ATXN1: variants seen among roughly 807,000 people sequenced by gnomAD.
ATXN1 encodes the protein ataxin 1, also known as ataxin-1.
ATXN1 carries 8 observed loss-of-function variants against 56.4 expected under a neutral mutation model. That is an observed-to-expected ratio of 0.14 (90% CI 0.08 to 0.26). The LOEUF is 0.26. Ranked by LOEUF, ATXN1 falls within the 10% of genes least tolerant of loss-of-function variation. The pLI is 1.00. For synonymous variants in ATXN1, 514 were observed against 494.6 expected, an observed-to-expected ratio of 1.04 and a Z score of -0.52; for missense variants, 987 against 1,106.5, an observed-to-expected ratio of 0.89 and a Z score of 1.53.
chr6:16,632,822 T>G (rs1763529131), intron 3 of ATXN1, among the ~76,000 whole-genome samples: 1 of 151,878 alleles, frequency 6.6e-6, no homozygotes, highest in Admixed American at 6.6e-5. Context: ...GTTCGAGACC[T>G]CGTCGCTACT....
chr6:16,566,292 G>C (rs9477170), intron 4 of ATXN1, among the ~76,000 whole-genome samples: 3,174 of 151,878 alleles, frequency 0.021, 96 homozygotes, highest in African/African-American at 0.069. Flanking sequence ...TTTTTGCTTG[G>C]GTGAGGCTAA....
intron 4 of ATXN1, among the ~76,000 whole-genome samples, chr6:16,584,247 C>A: frequency 1.0e-5 from 1 of 96,548 alleles, no homozygotes; most frequent in Non-Finnish European, 2.3e-5. Context: ...TATATATACA[C>A]ACACACACAC....
intron 5 of ATXN1, among the ~76,000 whole-genome samples, chr6:16,502,015 T>A (rs235159): frequency 0.088 from 13,427 of 152,204 alleles, 1,155 homozygotes; most frequent in African/African-American, 0.2. Flanking sequence ...ATACAATAGA[T>A]TTAGGAGCTG....
intron 6 of ATXN1, among the ~76,000 whole-genome samples, chr6:16,420,845 C>T (rs891436728): frequency 1.3e-5 from 2 of 152,010 alleles, no homozygotes; most frequent in African/African-American, 4.8e-5. Flanking sequence ...CTCTCTCTGT[C>T]TCTCTCTCTC....
At chr6:16,562,068 T>C (rs1013859549) in intron 4 of ATXN1, among the ~76,000 whole-genome samples, 1 of 151,936 alleles carries the variant, frequency 6.6e-6, no homozygotes, top group Non-Finnish European at 1.5e-5. Flanking sequence ...TAAAGGCAGA[T>C]AAAGAGTGTT....
intron 2 of ATXN1, among the ~76,000 whole-genome samples, chr6:16,729,410 A>G (rs1183625407): frequency 1.3e-5 from 2 of 152,126 alleles, no homozygotes; most frequent in Non-Finnish European, 2.9e-5. Flanking sequence ...TTTCTCATCT[A>G]AACTTGGGAG....
intron 6 of ATXN1, among the ~76,000 whole-genome samples, chr6:16,468,331 G>A (rs1377768875): frequency 2.0e-5 from 3 of 152,136 alleles, no homozygotes; most frequent in African/African-American, 7.2e-5. Flanking sequence ...GACTACAGGC[G>A]CATGCCACCA....
chr6:16,562,181 T>C (rs965568992), intron 4 of ATXN1, among the ~76,000 whole-genome samples: 1 of 151,892 alleles, frequency 6.6e-6, no homozygotes, highest in Non-Finnish European at 1.5e-5. Context: ...GAGACCAGCC[T>C]GGGCAACACA....
chr6:16,474,292 C>T (rs1760280063), intron 6 of ATXN1, among the ~76,000 whole-genome samples: 1 of 152,240 alleles, frequency 6.6e-6, no homozygotes, highest in South Asian at 2.1e-4. Context: ...GCTTGAAAAG[C>T]ACTCATGCAC....
At chr6:16,478,919 C>T (rs1760380878) in intron 6 of ATXN1, among the ~76,000 whole-genome samples, 1 of 152,168 alleles carries the variant, frequency 6.6e-6, no homozygotes, top group Non-Finnish European at 1.5e-5. Context: ...GGGACCTGTG[C>T]AGGGGTCCAG....
intron 6 of ATXN1, among the ~76,000 whole-genome samples, chr6:16,445,872 C>A (rs1759624171): frequency 6.6e-6 from 1 of 151,322 alleles, no homozygotes; most frequent in Non-Finnish European, 1.5e-5. Context: ...TTTATGGCTG[C>A]ATAGTATTCC....
At chr6:16,320,656 C>T (rs1005222588) in intron 7 of ATXN1, among the ~76,000 whole-genome samples, 6 of 152,348 alleles carry the variant, frequency 3.9e-5, no homozygotes, top group Admixed American at 6.5e-5. Flanking sequence ...CCAGCGGGCA[C>T]GTCACTAACA....
At chr6:16,708,034 C>T (rs1759442525) in intron 2 of ATXN1, among the ~76,000 whole-genome samples, 1 of 152,048 alleles carries the variant, frequency 6.6e-6, no homozygotes, top group South Asian at 2.1e-4. Context: ...AAGTACAGAG[C>T]TATGCACAAT....
rs570856882 is a variant in ATXN1 at position 16,486,773 on chromosome 6, A to G, written c.-298-664T>C. On this transcript the variant is annotated intron_variant, in intron 5 of 7. Transcript: ENST00000436367. ...GAGTGTAAGGTGGGCAGTAGGGCAC[A>G]TGCAGGAGCGTGGTTATTTGGTACA... 1.3e-5 allele frequency among the ~76,000 whole-genome samples: 2 copies of G among 152,082 alleles called. 1 individual carries two copies. The highest frequency in any genetic ancestry group is 4.2e-4 in the South Asian group (2 of 4,816).
chr6:16,629,966 G>A (rs1262231722), intron 3 of ATXN1, among the ~76,000 whole-genome samples: 1 of 151,950 alleles, frequency 6.6e-6, no homozygotes, highest in Non-Finnish European at 1.5e-5. Context: ...CTTAGAGTCT[G>A]TATAACCTTC....
At chr6:16,572,468 T>C (rs1762349733) in intron 4 of ATXN1, among the ~76,000 whole-genome samples, 1 of 152,154 alleles carries the variant, frequency 6.6e-6, no homozygotes, top group African/African-American at 2.4e-5. Context: ...CGCAAGGCCA[T>C]ACCTCCCCAA....
chr6:16,673,020 C>CAAAAAAAAAAAAAAAAAAA (rs559212594), intron 2 of ATXN1, among the ~76,000 whole-genome samples: 1 of 105,572 alleles, frequency 9.5e-6, no homozygotes, highest in Non-Finnish European at 1.9e-5. Context: ...TCCCCCCCGC[C>CAAAAAAAAAAAAAAAAAAA]AAAAAAAAAA....
At chr6:16,596,859 C>T (rs1355099400) in intron 3 of ATXN1, among the ~76,000 whole-genome samples, 2 of 152,198 alleles carry the variant, frequency 1.3e-5, no homozygotes, top group African/African-American at 2.4e-5. Context: ...AGAAGCTCAG[C>T]ATTTACTATA....
chr6:16,394,643 G>C (rs1012938966), intron 6 of ATXN1, among the ~76,000 whole-genome samples: 2 of 152,096 alleles, frequency 1.3e-5, no homozygotes, highest in Non-Finnish European at 2.9e-5. Context: ...ATAAAATTCA[G>C]CTCTGTTTAA....
Sources: gnomAD v4.1 joint callset for allele counts (sites outside exome capture counted in the v4.1 genomes callset) on GRCh38, gnomAD v4.1.1 for gene constraint, MANE v1.5 for transcripts, NCBI Gene and HGNC (gene_info 2026-07-23, HGNC 2026-07-21) for gene names.